Variants in ERBB4 observed in about 807,000 individuals in gnomAD.
ERBB4 encodes the protein erb-b2 receptor tyrosine kinase 4.
Under a neutral mutation model 158.0 loss-of-function variants are expected in ERBB4, and 42 were observed. That is an observed-to-expected ratio of 0.27 (90% CI 0.21 to 0.34). ERBB4 has a LOEUF of 0.34. Ranked by LOEUF, ERBB4 falls within the 10% of genes least tolerant of loss-of-function variation. ERBB4 has a pLI of 1.00. For missense variants in ERBB4, 1,333 were observed against 1,624.1 expected (o/e 0.82, Z 3.08); for synonymous variants, 583 against 558.7 (o/e 1.04, Z -0.61).
At chr2:211,763,621 C>A (rs1243348349) in intron 4 of ERBB4, among the ~76,000 whole-genome samples, 1 of 152,034 alleles carries the variant, frequency 6.6e-6, no homozygotes, top group Non-Finnish European at 1.5e-5. Flanking sequence ...GGCCATTAAT[C>A]TTACAGCCTT....
At chr2:211,730,911 A>G (rs944004761) in intron 5 of ERBB4, among the ~76,000 whole-genome samples, 1 of 152,104 alleles carries the variant, frequency 6.6e-6, no homozygotes, top group African/African-American at 2.4e-5. Context: ...TAAGTCATTT[A>G]CACCATCTGA....
At chr2:212,048,491 G>C (rs1420781574) in intron 2 of ERBB4, among the ~76,000 whole-genome samples, 2 of 152,124 alleles carry the variant, frequency 1.3e-5, no homozygotes, top group South Asian at 4.1e-4. Context: ...AAAATGGACT[G>C]ATAGTTTGTT....
chr2:212,326,614 T>C (rs1480232397), intron 1 of ERBB4, among the ~76,000 whole-genome samples: 1 of 150,732 alleles, frequency 6.6e-6, no homozygotes, highest in African/African-American at 2.4e-5. Context: ...TCTATAGAAA[T>C]GCTATTTTAT....
chr2:211,841,261 A>G (rs1183522367), intron 3 of ERBB4, among the ~76,000 whole-genome samples: 1 of 152,094 alleles, frequency 6.6e-6, no homozygotes, highest in Non-Finnish European at 1.5e-5. Context: ...TTACAGACAA[A>G]GGATTTCTCT....
intron 3 of ERBB4, among the ~76,000 whole-genome samples, chr2:211,803,606 C>A (rs2076548200): frequency 6.6e-6 from 1 of 152,180 alleles, no homozygotes; most frequent in Non-Finnish European, 1.5e-5. Flanking sequence ...TCAGGGTTGC[C>A]AGAGGTTGGT....
At chr2:211,840,139 C>T (rs151218560) in intron 3 of ERBB4, among the ~76,000 whole-genome samples, 1 of 151,930 alleles carries the variant, frequency 6.6e-6, no homozygotes, top group Non-Finnish European at 1.5e-5. Context: ...GTGGGAGGGA[C>T]CTGGTGGGAC....
intron 1 of ERBB4, among the ~76,000 whole-genome samples, chr2:212,133,864 G>T (rs773918173): frequency 1.3e-5 from 2 of 152,076 alleles, no homozygotes; most frequent in Admixed American, 6.6e-5. Context: ...TCAAACACTG[G>T]TTCCTCCATT....
At chr2:212,327,371 G>C (rs968364723) in intron 1 of ERBB4, among the ~76,000 whole-genome samples, 4 of 151,942 alleles carry the variant, frequency 2.6e-5, no homozygotes, top group Non-Finnish European at 5.9e-5. Context: ...GCTGGAAATA[G>C]AACTTCAACA....
At chr2:211,498,588 C>T (rs1040427503) in intron 20 of ERBB4, among the ~76,000 whole-genome samples, 10 of 151,986 alleles carry the variant, frequency 6.6e-5, no homozygotes, top group African/African-American at 2.4e-4. Context: ...GCTTTAGGAC[C>T]ATTTTTTCAA....
intron 2 of ERBB4, among the ~76,000 whole-genome samples, chr2:212,064,364 T>C (rs1004332289): frequency 6.6e-6 from 1 of 152,096 alleles, no homozygotes; most frequent in Admixed American, 6.6e-5. Context: ...CTACAGATGA[T>C]GAGGAACCTA....
rs2071288301 is a variant in ERBB4 at position 211,658,137 on chromosome 2, T to C, written c.1872-309A>G. Reference sequence around the variant, plus strand: ...AATGAATTTCAAGCCAGGAAGATTTTTGCTTGATGAATACACAGAAATGAA... The same window carrying C: ...AATGAATTTCAAGCCAGGAAGATTTCTGCTTGATGAATACACAGAAATGAA... On this transcript the variant is annotated intron_variant, in intron 15 of 27. Coordinates refer to ENST00000342788, the MANE Select transcript of ERBB4 (RefSeq NM_005235.3). The C allele has an allele frequency of 2.0e-5, 11 of 563,182 alleles. 1 individual carries two copies. Among genetic ancestry groups the C allele is most frequent in the South Asian group, 1.6e-4 (9 of 56,032 alleles). The allele number at this position is 563,182 out of a possible 1,614,324, so 34.9% of individuals were successfully genotyped here.
Position 212,380,445 on chromosome 2 carries a change from G to A in ERBB4, c.82+158004C>T, listed in dbSNP as rs188618713. On this transcript the variant is annotated intron_variant, in intron 1 of 27. Coordinates refer to ENST00000342788, the MANE Select transcript of ERBB4 (RefSeq NM_005235.3). ...TGGATTTACCAATACCTCAGATACT[G>A]AGGAATGACTCTGTGTGTGTGTGTG... is the stretch of plus-strand genomic sequence containing the variant. 5.7e-4 allele frequency among the ~76,000 whole-genome samples: 78 copies of A among 136,430 alleles called. 2 individuals are homozygous for A. Among genetic ancestry groups the A allele is most frequent in the Non-Finnish European group, 1.1e-3 (73 of 63,892 alleles). The allele number at this position is 136,430 out of a possible 152,430, so 89.5% of individuals were successfully genotyped here. A position where few individuals can be genotyped will look rare whatever the true frequency, so the allele number is the denominator to read the frequency against.
intron 1 of ERBB4, among the ~76,000 whole-genome samples, chr2:212,383,131 A>G (rs1407284478): frequency 1.3e-5 from 2 of 151,230 alleles, no homozygotes; most frequent in Non-Finnish European, 3.0e-5. Context: ...ACCTTTTTCT[A>G]TAGTTTGATA....
intron 1 of ERBB4, among the ~76,000 whole-genome samples, chr2:212,488,078 T>C (rs1690072312): frequency 6.6e-6 from 1 of 152,118 alleles, no homozygotes. Context: ...ACCCTACCAT[T>C]TCACCTGAAT....
At chr2:212,437,725 C>T (rs1455869619) in intron 1 of ERBB4, among the ~76,000 whole-genome samples, 1 of 152,074 alleles carries the variant, frequency 6.6e-6, no homozygotes, top group Non-Finnish European at 1.5e-5. Flanking sequence ...CTGCCTTGCT[C>T]TTTATGCCTT....
chr2:212,071,831 T>C (rs549302949), intron 2 of ERBB4, among the ~76,000 whole-genome samples: 58 of 152,104 alleles, frequency 3.8e-4, no homozygotes, highest in African/African-American at 1.3e-3. Flanking sequence ...ACTTCTCTAG[T>C]CTAGGCAAGT....
intron 19 of ERBB4, among the ~76,000 whole-genome samples, chr2:211,615,717 A>T (rs1012167444): frequency 7.9e-5 from 12 of 152,132 alleles, no homozygotes; most frequent in Non-Finnish European, 1.3e-4. Flanking sequence ...TTACCCTTGA[A>T]TATCAATAGA....
chr2:212,292,784 G>A (rs1010631252), intron 1 of ERBB4, among the ~76,000 whole-genome samples: 4 of 152,014 alleles, frequency 2.6e-5, no homozygotes, highest in South Asian at 4.1e-4. Flanking sequence ...CGCTTTCTGC[G>A]TGAAATTGAA....
chr2:212,381,667 A>C (rs544309310), intron 1 of ERBB4, among the ~76,000 whole-genome samples: 9 of 151,360 alleles, frequency 5.9e-5, no homozygotes, highest in African/African-American at 1.9e-4. Flanking sequence ...TCATATTATG[A>C]CCAGAAAAAA....
Sources: gnomAD v4.1 joint callset for allele counts (sites outside exome capture counted in the v4.1 genomes callset) on GRCh38, gnomAD v4.1.1 for gene constraint, MANE v1.5 for transcripts, NCBI Gene and HGNC (gene_info 2026-07-23, HGNC 2026-07-21) for gene names.